Variants in AGBL4 observed in about 807,000 individuals in gnomAD.
AGBL4 encodes cytosolic carboxypeptidase 6.
Under a neutral mutation model 66.4 loss-of-function variants are expected in AGBL4, and 58 were observed. The ratio of observed to expected loss-of-function variants is 0.87; its 90% CI spans 0.71 to 1.09. The LOEUF is 1.09. AGBL4 is among the 50% of genes least tolerant of loss of function. The probability of loss-of-function intolerance (pLI) is 0.00; values close to 1 mark genes in which losing one functional copy is unlikely to be tolerated. For synonymous variants in AGBL4, 234 were observed against 222.9 expected (o/e 1.05, Z -0.44); for missense variants, 579 against 631.0 (o/e 0.92, Z 0.88).
At chr1:49,658,471 C>T (rs893646198) in intron 3 of AGBL4, among the ~76,000 whole-genome samples, 1 of 152,140 alleles carries the variant, frequency 6.6e-6, no homozygotes, top group Admixed American at 6.5e-5. Flanking sequence ...GGATCTAGAA[C>T]TAGAAATACC....
chr1:49,767,044 T>C (rs1008715291), intron 2 of AGBL4, among the ~76,000 whole-genome samples: 2 of 151,960 alleles, frequency 1.3e-5, no homozygotes, highest in African/African-American at 4.8e-5. Context: ...AAAATGCAGA[T>C]GATCAAAGAA....
At chr1:49,605,019 G>A (rs1261654078) in intron 3 of AGBL4, among the ~76,000 whole-genome samples, 1 of 151,848 alleles carries the variant, frequency 6.6e-6, no homozygotes, top group East Asian at 1.9e-4. Flanking sequence ...TATAAATATT[G>A]TTCTATTTAA....
intron 3 of AGBL4, among the ~76,000 whole-genome samples, chr1:49,302,516 A>G (rs1434356280): frequency 1.3e-5 from 2 of 151,724 alleles, no homozygotes; most frequent in African/African-American, 4.8e-5. Flanking sequence ...TGGCCTCCCA[A>G]AGTGCTGGGA....
intron 2 of AGBL4, among the ~76,000 whole-genome samples, chr1:49,802,260 C>A (rs543526735): frequency 6.6e-6 from 1 of 151,336 alleles, no homozygotes; most frequent in Admixed American, 6.6e-5. Flanking sequence ...ACAGACACAT[C>A]GGGGGGGGTC....
intron 1 of AGBL4, among the ~76,000 whole-genome samples, chr1:49,881,442 G>C (rs1351726296): frequency 1.3e-5 from 2 of 151,726 alleles, no homozygotes; most frequent in Non-Finnish European, 2.9e-5. Context: ...TCTAGTTCTC[G>C]ATCCCTGAGG....
intron 5 of AGBL4, among the ~76,000 whole-genome samples, chr1:48,998,249 C>T (rs963598014): frequency 1.3e-5 from 2 of 152,140 alleles, no homozygotes; most frequent in African/African-American, 4.8e-5. Flanking sequence ...AAATGTGGAG[C>T]TGGGGTGTCT....
intron 2 of AGBL4, among the ~76,000 whole-genome samples, chr1:49,837,228 C>T (rs1377461631): frequency 6.6e-6 from 1 of 152,154 alleles, no homozygotes; most frequent in East Asian, 1.9e-4. Flanking sequence ...ACTGGGACTT[C>T]GGCCTTTCTT....
intron 4 of AGBL4, among the ~76,000 whole-genome samples, chr1:49,152,013 A>T (rs1217713897): frequency 6.6e-6 from 1 of 152,200 alleles, no homozygotes; most frequent in Admixed American, 6.5e-5. Context: ...AAAACATAAA[A>T]TGTAACATTT....
chr1:48,624,686 A>C (rs770928539), intron 9 of AGBL4, among the ~76,000 whole-genome samples: 7 of 152,202 alleles, frequency 4.6e-5, no homozygotes, highest in Non-Finnish European at 8.8e-5. Flanking sequence ...GATCCTTTGC[A>C]CTGGAGGGAT....
chr1:49,119,615 C>T (rs1260181992), intron 4 of AGBL4, among the ~76,000 whole-genome samples: 1 of 152,066 alleles, frequency 6.6e-6, no homozygotes, highest in Non-Finnish European at 1.5e-5. Flanking sequence ...GCTTTACTTC[C>T]AACTATGTGG....
intron 6 of AGBL4, among the ~76,000 whole-genome samples, chr1:48,734,401 T>C (rs1272505386): frequency 6.6e-6 from 1 of 152,226 alleles, no homozygotes; most frequent in South Asian, 2.1e-4. Context: ...CCTTAGTCTA[T>C]GGCAGCAGCA....
At chr1:48,895,111 A>G (rs1478260609) in intron 5 of AGBL4, among the ~76,000 whole-genome samples, 2 of 152,252 alleles carry the variant, frequency 1.3e-5, no homozygotes, top group Non-Finnish European at 2.9e-5. Context: ...TTCTGTGGTT[A>G]GAGGAATCTA....
In AGBL4 at chr1:49,428,043, G is replaced by C. The variant is rs187620799; in HGVS notation, c.283-182179C>G. ...TGGTGCATTTACAAACCTTTAGCTA[G>C]ACACAGAGCACTGATTGGTGTGTTT... On this transcript the variant is annotated intron_variant, in intron 3 of 13. Coordinates refer to ENST00000371839, the MANE Select transcript of AGBL4 (RefSeq NM_032785.4). Among the ~76,000 whole-genome samples, 37 of 152,298 alleles carry C rather than the reference G, an allele frequency of 2.4e-4. 1 individual carries two copies. Among genetic ancestry groups the C allele is most frequent in the African/African-American group, 8.7e-4 (36 of 41,560 alleles).
At chr1:48,904,398 C>T (rs1189509893) in intron 5 of AGBL4, among the ~76,000 whole-genome samples, 2 of 152,170 alleles carry the variant, frequency 1.3e-5, no homozygotes, top group African/African-American at 4.8e-5. Flanking sequence ...TGTCATTGCT[C>T]AAAGTCTAGT....
chr1:48,549,172 G>C (rs1048438669), intron 11 of AGBL4, among the ~76,000 whole-genome samples: 22 of 152,302 alleles, frequency 1.4e-4, no homozygotes, highest in African/African-American at 5.1e-4. Context: ...GATAGGCCAA[G>C]GAAAAGTGAT....
chr1:49,613,149 T>C (rs1212186365), intron 3 of AGBL4, among the ~76,000 whole-genome samples: 1 of 152,070 alleles, frequency 6.6e-6, no homozygotes, highest in Non-Finnish European at 1.5e-5. Flanking sequence ...AAATACTGCA[T>C]GCTGTCACTT....
intron 4 of AGBL4, among the ~76,000 whole-genome samples, chr1:49,095,235 A>T (rs1350878495): frequency 6.6e-6 from 1 of 152,252 alleles, no homozygotes; most frequent in Non-Finnish European, 1.5e-5. Context: ...GGAAGAATCA[A>T]TATTATGCAA....
At chr1:48,947,870 C>G (rs1201503573) in intron 5 of AGBL4, among the ~76,000 whole-genome samples, 1 of 151,402 alleles carries the variant, frequency 6.6e-6, no homozygotes. Flanking sequence ...TAAAACAGGA[C>G]AGCTGCTAAA....
At chr1:49,249,632 T>C (rs1651895931) in intron 3 of AGBL4, among the ~76,000 whole-genome samples, 2 of 152,176 alleles carry the variant, frequency 1.3e-5, no homozygotes, top group Non-Finnish European at 2.9e-5. Flanking sequence ...GAATGGAAAG[T>C]AGTACAGGCA....
Sources: allele counts gnomAD v4.1 joint callset (sites outside exome capture counted in the v4.1 genomes callset), GRCh38; gene constraint gnomAD v4.1.1; transcripts MANE v1.5; gene names NCBI Gene and HGNC (gene_info 2026-07-23, HGNC 2026-07-21).